PDE3B: variants seen among roughly 807,000 people sequenced by gnomAD.
PDE3B encodes phosphodiesterase 3B, also known as cGMP-inhibited 3',5'-cyclic phosphodiesterase 3B.
Under a neutral mutation model 116.8 loss-of-function variants are expected in PDE3B, and 66 were observed. That is an observed-to-expected ratio of 0.56 (90% confidence interval 0.46 to 0.69). The LOEUF is 0.69. Among genes scored for constraint, PDE3B ranks in the 30% least tolerant of loss-of-function variants. The probability of loss-of-function intolerance (pLI) is 0.00; values close to 1 mark genes in which losing one functional copy is unlikely to be tolerated. For missense variants in PDE3B, 1,384 were observed against 1,368.1 expected, an observed-to-expected ratio of 1.01 and a Z score of -0.18; for synonymous variants, 595 against 533.6, an observed-to-expected ratio of 1.12 and a Z score of -1.59.
the PDE3B span, among the ~76,000 whole-genome samples, chr11:14,897,291 C>T: frequency 6.6e-6 from 1 of 152,110 alleles, no homozygotes; most frequent in Admixed American, 6.5e-5. Flanking sequence ...CTTTGGGAGC[C>T]CTAATACCCT....
In PDE3B at chr11:14,855,244, A is replaced by T. The variant is rs192543567; in HGVS notation, c.2521-3799A>T. ...GTTCTAAAAAGAAGGGAGTCTTTGGATTGAAGGGGCTCACTAAGTGCCAGG... is the reference window on the plus strand; with the variant it reads ...GTTCTAAAAAGAAGGGAGTCTTTGGTTTGAAGGGGCTCACTAAGTGCCAGG... On this transcript the variant is annotated intron_variant, in intron 12 of 15. Coordinates refer to ENST00000282096, the MANE Select transcript of PDE3B (RefSeq NM_000922.4). Among the ~76,000 whole-genome samples the T allele has an allele frequency of 1.1e-4, 17 of 152,282 alleles. No individual in the cohort carries two copies. In the East Asian group the frequency reaches 3.3e-3, roughly 29 times the overall value.
intron 1 of PDE3B, among the ~76,000 whole-genome samples, chr11:14,723,625 A>G (rs954478993): frequency 1.3e-5 from 2 of 151,922 alleles, no homozygotes; most frequent in Admixed American, 6.6e-5. Context: ...GCTGGGAATG[A>G]TGATGCACAC....
Position 14,811,749 on chromosome 11 carries a change from A to G in PDE3B, c.1523-6434A>G, listed in dbSNP as rs577871645. Among the ~76,000 whole-genome samples the G allele has an allele frequency of 2.2e-4, 33 of 151,846 alleles. No homozygotes were observed. In the South Asian group the frequency reaches 4.2e-3, roughly 19 times the overall value. On this transcript the variant is annotated intron_variant, in intron 5 of 15. Coordinates refer to ENST00000282096, the MANE Select transcript of PDE3B (RefSeq NM_000922.4). ...CCTTGGGCAGTATGGCCATTTTCAC[A>G]ATATTGATTCTTCCTACCCATGAGC...
intron 7 of PDE3B, among the ~76,000 whole-genome samples, chr11:14,823,241 T>A (rs1433481214): frequency 1.3e-5 from 2 of 152,214 alleles, no homozygotes; most frequent in African/African-American, 4.8e-5. Context: ...ACAGTAGCTC[T>A]ATGGGAAAGC....
chr11:14,667,116 G>C, intron 1 of PDE3B, among the ~76,000 whole-genome samples: 1 of 152,076 alleles, frequency 6.6e-6, no homozygotes, highest in African/African-American at 2.4e-5. Flanking sequence ...AAAAAATGAG[G>C]AGTTCATGTC....
chr11:14,748,658 G>T (rs938673299), intron 1 of PDE3B, among the ~76,000 whole-genome samples: 3 of 151,976 alleles, frequency 2.0e-5, no homozygotes, highest in Non-Finnish European at 4.4e-5. Flanking sequence ...TTCAAAATAG[G>T]AACAATTATT....
At chr11:14,796,825 T>C (rs986905242) in intron 4 of PDE3B, among the ~76,000 whole-genome samples, 1 of 152,222 alleles carries the variant, frequency 6.6e-6, no homozygotes, top group Non-Finnish European at 1.5e-5. Flanking sequence ...GCCTGTTCAC[T>C]CTGATGGATG....
At chr11:14,754,145 A>G (rs73412671) in intron 1 of PDE3B, among the ~76,000 whole-genome samples, 1,893 of 152,186 alleles carry the variant, frequency 0.012, 33 homozygotes, top group African/African-American at 0.044. Context: ...CATGGCATAG[A>G]GGGAGAATTA....
intron 11 of PDE3B, among the ~76,000 whole-genome samples, chr11:14,842,294 C>A (rs1847490691): frequency 6.6e-6 from 1 of 151,968 alleles, no homozygotes; most frequent in Admixed American, 6.6e-5. Context: ...CAACTGTGTT[C>A]TTTTTTGTAC....
chr11:14,762,922 G>T (rs1857401186), intron 1 of PDE3B, among the ~76,000 whole-genome samples: 1 of 152,156 alleles, frequency 6.6e-6, no homozygotes, highest in Non-Finnish European at 1.5e-5. Context: ...GTTCAGTTTT[G>T]GACATGTTAA....
At chr11:14,677,101 T>G (rs1316919877) in intron 1 of PDE3B, among the ~76,000 whole-genome samples, 1 of 152,194 alleles carries the variant, frequency 6.6e-6, no homozygotes. Flanking sequence ...ATTTGTTGGC[T>G]TACATATAGG....
intron 1 of PDE3B, among the ~76,000 whole-genome samples, chr11:14,749,739 G>A (rs1857004016): frequency 6.6e-6 from 1 of 150,720 alleles, no homozygotes. Context: ...TAGGATTCAG[G>A]AAACCCATGG....
chr11:14,851,126 A>T (rs952779062), intron 12 of PDE3B, among the ~76,000 whole-genome samples: 7 of 151,860 alleles, frequency 4.6e-5, no homozygotes, highest in African/African-American at 1.2e-4. Context: ...CCTGGCCCTA[A>T]ATACGTGGTT....
intron 7 of PDE3B, among the ~76,000 whole-genome samples, chr11:14,822,541 C>T (rs1699501737): frequency 6.6e-6 from 1 of 152,100 alleles, no homozygotes; most frequent in South Asian, 2.1e-4. Flanking sequence ...AGTGGGCAAC[C>T]CTGGGGACCC....
At chr11:14,666,934 G>C (rs946571680) in intron 1 of PDE3B, among the ~76,000 whole-genome samples, 1 of 151,722 alleles carries the variant, frequency 6.6e-6, no homozygotes, top group East Asian at 1.9e-4. Context: ...CCATTACTGG[G>C]TATATACCCA....
chr11:14,753,497 C>T (rs529376022), intron 1 of PDE3B, among the ~76,000 whole-genome samples: 2 of 152,050 alleles, frequency 1.3e-5, no homozygotes, highest in South Asian at 4.1e-4. Flanking sequence ...TCTCAGATGC[C>T]AATTCTGATT....
intron 12 of PDE3B, among the ~76,000 whole-genome samples, chr11:14,849,117 T>C (rs1778804009): frequency 1.3e-5 from 2 of 152,126 alleles, no homozygotes; most frequent in Non-Finnish European, 2.9e-5. Flanking sequence ...CAAAACAGCA[T>C]GGTACTGGTA....
chr11:14,802,457 G>C (rs1169780196), intron 4 of PDE3B, among the ~76,000 whole-genome samples: 2 of 152,274 alleles, frequency 1.3e-5, no homozygotes, highest in South Asian at 4.1e-4. Flanking sequence ...CCCTGCTTCA[G>C]CTCGCCGTCT....
At chr11:14,886,213 T>A in the PDE3B span, 1 of 375,856 alleles carries the variant, frequency 2.7e-6, no homozygotes, top group Non-Finnish European at 5.0e-6. Flanking sequence ...ATTAAACAGA[T>A]AAAAGACTCT....
Sources: gnomAD v4.1 joint callset for allele counts (sites outside exome capture counted in the v4.1 genomes callset) on GRCh38, gnomAD v4.1.1 for gene constraint, MANE v1.5 for transcripts, NCBI Gene and HGNC (gene_info 2026-07-23, HGNC 2026-07-21) for gene names.